WDR59: variants seen among roughly 807,000 people sequenced by gnomAD.
WDR59 encodes the protein WD repeat domain 59.
Under a neutral mutation model 131.2 loss-of-function variants are expected in WDR59, and 100 were observed. The observed-to-expected ratio is 0.76, with a 90% CI of 0.65 to 0.90. The LOEUF (loss-of-function observed/expected upper bound fraction) is 0.90, where lower values mean the gene tolerates loss of function less well. Ranked by LOEUF, WDR59 falls within the 40% of genes least tolerant of loss-of-function variation. The pLI is 0.00. For missense variants in WDR59, 1,203 were observed against 1,262.2 expected, an observed-to-expected ratio of 0.95 and a Z score of 0.71; for synonymous variants, 601 against 466.2, an observed-to-expected ratio of 1.29 and a Z score of -3.72.
chr16:74,880,034 T>G (rs1461496722), intron 25 of WDR59, among the ~76,000 whole-genome samples: 2 of 151,940 alleles, frequency 1.3e-5, no homozygotes, highest in Non-Finnish European at 2.9e-5. Context: ...TTATAAAAAT[T>G]TAAAAAATTA....
In WDR59 at chr16:74,970,976, G is replaced by C. The variant is rs532540837; in HGVS notation, c.55-5154C>G. On this transcript the variant is annotated intron_variant, in intron 1 of 25. Coordinates refer to ENST00000262144, the MANE Select transcript of WDR59 (RefSeq NM_030581.4). ...TGAGGGGAGGATAACTTGAGCCCGAGAGGTTGTGGCTACAATGAGCAATGT... is the reference window on the plus strand; with the variant it reads ...TGAGGGGAGGATAACTTGAGCCCGACAGGTTGTGGCTACAATGAGCAATGT... Among the ~76,000 whole-genome samples the C allele has an allele frequency of 2.6e-3, 391 of 151,804 alleles. 2 individuals carry two copies. The highest frequency in any genetic ancestry group is 4.4e-3 in the Non-Finnish European group (297 of 68,002).
At chr16:74,981,328 A>T (rs917384147) in intron 1 of WDR59, among the ~76,000 whole-genome samples, 2 of 150,758 alleles carry the variant, frequency 1.3e-5, no homozygotes, top group African/African-American at 2.4e-5. Context: ...GTGAGCAGAG[A>T]TCATGCCACT....
chr16:74,914,437 C>T (rs781191866), intron 13 of WDR59, among the ~76,000 whole-genome samples: 1 of 152,112 alleles, frequency 6.6e-6, no homozygotes. Flanking sequence ...GAGACAGCAG[C>T]TGGAGTAAAG....
Position 74,906,962 on chromosome 16 carries a change from C to T in WDR59, c.1712+1946G>A, listed in dbSNP as rs145999671. On this transcript the variant is annotated intron_variant, in intron 17 of 25. Transcript: ENST00000262144. ...TATCGTAAACTATCTCAGTAAAGGA[C>T]TGTCAGTGGGAAAACATTCTAATAG... 4.8e-3 allele frequency among the ~76,000 whole-genome samples: 738 copies of T among 152,310 alleles called. 2 individuals are homozygous for T. The highest frequency in any genetic ancestry group is 6.7e-3 in the Non-Finnish European group (453 of 68,030).
chr16:74,971,945 G>A (rs1014807445), intron 1 of WDR59, among the ~76,000 whole-genome samples: 1 of 152,142 alleles, frequency 6.6e-6, no homozygotes, highest in Non-Finnish European at 1.5e-5. Flanking sequence ...CTGGGTTCAA[G>A]CAATCTTCCT....
intron 25 of WDR59, among the ~76,000 whole-genome samples, chr16:74,875,583 C>T (rs1964175366): frequency 6.6e-6 from 1 of 152,204 alleles, no homozygotes; most frequent in African/African-American, 2.4e-5. Context: ...AACCCAGTGC[C>T]CACCCGGCCA....
At chr16:74,981,710 C>T (rs1250896660) in intron 1 of WDR59, among the ~76,000 whole-genome samples, 2 of 115,472 alleles carry the variant, frequency 1.7e-5, no homozygotes, top group African/African-American at 7.1e-5. Flanking sequence ...GGCTGGAGTA[C>T]AGTGGTGAGA....
At chr16:74,974,672 G>T (rs1055333337) in intron 1 of WDR59, among the ~76,000 whole-genome samples, 1 of 152,106 alleles carries the variant, frequency 6.6e-6, no homozygotes, top group African/African-American at 2.4e-5. Flanking sequence ...CGTAGTTTAC[G>T]CTGAGTGCCT....
At chr16:74,981,375 CA>C (rs71158563) in intron 1 of WDR59, among the ~76,000 whole-genome samples, 2 of 135,720 alleles carry the variant, frequency 1.5e-5, no homozygotes, top group African/African-American at 2.8e-5. Flanking sequence ...GACTCTGTCT[CA>C]AAAAAAAAAC....
At position 74,888,277 on chromosome 16, in the gene WDR59, C is replaced by A; in HGVS notation, c.2238G>T (p.Ala746=). The change falls in exon 22 of 26, where the codon GCG becomes GCT. Residue 746 remains alanine (A), a synonymous_variant. Transcript: ENST00000262144. ...YCRLRDVQTL[A]MLCSVFEAQS... ...GGGCTTCAAACACGCTACAGAGCAT[C>A]GCCAGTGTCTGAACATCCCGGAGCC... is the stretch of plus-strand genomic sequence containing the variant. 1 of 1,613,974 alleles carries A rather than the reference C, an allele frequency of 6.2e-7. No homozygotes were observed. Among genetic ancestry groups the A allele is most frequent in the Non-Finnish European group, 8.5e-7 (1 of 1,179,938 alleles).
chr16:74,938,132 C>T lies in WDR59; in HGVS notation c.651+18G>A. 5 of 1,476,486 alleles carry T rather than the reference C, an allele frequency of 3.4e-6. No individual in the cohort carries two copies. The highest frequency in any genetic ancestry group is 4.5e-6 in the Non-Finnish European group (5 of 1,106,372). The allele number at this position is 1,476,486 out of a possible 1,614,324, so 91.5% of individuals were successfully genotyped here. A position where few individuals can be genotyped will look rare whatever the true frequency, so the allele number is the denominator to read the frequency against. On this transcript the variant is annotated intron_variant, in intron 8 of 25. Coordinates refer to ENST00000262144, the MANE Select transcript of WDR59 (RefSeq NM_030581.4). Reference sequence around the variant, plus strand: ...ACCCAAACACTGCTCCTCCAACTTCCCCATGGGTGCCACTGACCTTCACAG... The same window carrying T: ...ACCCAAACACTGCTCCTCCAACTTCTCCATGGGTGCCACTGACCTTCACAG...
intron 14 of WDR59, 136 bp from the exon 15 acceptor site, chr16:74,910,053 T>C: frequency 1.0e-5 from 7 of 678,906 alleles, no homozygotes; most frequent in Non-Finnish European, 1.7e-5. Context: ...TTGCAACCTC[T>C]GCCTCCCGTC....
chr16:74,952,253 C>A (rs2033044677), intron 3 of WDR59, among the ~76,000 whole-genome samples: 1 of 151,632 alleles, frequency 6.6e-6, no homozygotes. Context: ...CCAGTCTGGG[C>A]AACATAGCCA....
rs569472427 is a variant in WDR59 at position 74,912,311 on chromosome 16, G to A, written c.1276C>T (p.Arg426Cys). 14 of 1,614,120 alleles carry A rather than the reference G, an allele frequency of 8.7e-6. No individual in the cohort carries two copies. Among genetic ancestry groups the A allele is most frequent in the African/African-American group, 2.7e-5 (2 of 75,046 alleles). The change falls in exon 14 of 26, where the codon CGT (arginine) becomes TGT (cysteine). Residue 426 changes from arginine to cysteine, a missense_variant. Physicochemically the swap from Arg to Cys is radical, Grantham distance 180 (BLOSUM62 -3). Transcript: ENST00000262144. ...CTVSVHCSNH[R>C]VKMLVKFPAQ... ...GGGAACTTCACCAGCATCTTGACAC[G>A]ATGGTTGCTGCAGTGCACAGACACT...
intron 1 of WDR59, among the ~76,000 whole-genome samples, chr16:74,968,607 G>A (rs188914372): frequency 2.0e-5 from 3 of 152,092 alleles, no homozygotes; most frequent in Non-Finnish European, 2.9e-5. Context: ...TGCAGTCCCA[G>A]CTGCTCAGGA....
intron 2 of WDR59, among the ~76,000 whole-genome samples, chr16:74,965,233 G>T (rs933789821): frequency 3.3e-5 from 5 of 151,210 alleles, no homozygotes; most frequent in East Asian, 2.0e-4. Context: ...CGATGTTAGG[G>T]TTATTAGAAA....
At chr16:74,973,196 G>A (rs1280110227) in intron 1 of WDR59, among the ~76,000 whole-genome samples, 1 of 152,138 alleles carries the variant, frequency 6.6e-6, no homozygotes, top group African/African-American at 2.4e-5. Context: ...AGCCAAGATT[G>A]CGCCATTGCA....
chr16:74,982,898 A>G (rs2034484081), intron 1 of WDR59, among the ~76,000 whole-genome samples: 2 of 152,202 alleles, frequency 1.3e-5, no homozygotes, highest in South Asian at 4.1e-4. Flanking sequence ...AAACCACATC[A>G]CCCATTCATA....
At chr16:74,968,471 A>G (rs1164105289) in intron 1 of WDR59, among the ~76,000 whole-genome samples, 1 of 152,188 alleles carries the variant, frequency 6.6e-6, no homozygotes, top group East Asian at 1.9e-4. Context: ...CTGTAATCCC[A>G]GCACTTTGGG....
Sources: gnomAD v4.1 joint callset for allele counts (sites outside exome capture counted in the v4.1 genomes callset) on GRCh38, gnomAD v4.1.1 for gene constraint, MANE v1.5 for transcripts, NCBI Gene and HGNC (gene_info 2026-07-23, HGNC 2026-07-21) for gene names.